The following IQSEC1 variants were observed in gnomAD, a reference collection of about 807,000 sequenced individuals.
The protein encoded by IQSEC1 is IQ motif and Sec7 domain ArfGEF 1.
Under a neutral mutation model 91.0 loss-of-function variants are expected in IQSEC1, and 31 were observed. The ratio of observed to expected loss-of-function variants is 0.34; its 90% CI spans 0.26 to 0.46. IQSEC1 has a LOEUF of 0.46. Ranked by LOEUF, IQSEC1 falls within the 20% of genes least tolerant of loss-of-function variation. IQSEC1 has a pLI of 1.00. For missense variants in IQSEC1, 1,388 were observed against 1,575.6 expected (o/e 0.88, Z 2.02); for synonymous variants, 699 against 662.6 (o/e 1.05, Z -0.84).
intron 1 of IQSEC1, among the ~76,000 whole-genome samples, chr3:13,199,870 T>TATGCCACACACACACACCACACACAC (rs1471609930): frequency 6.6e-6 from 1 of 150,982 alleles, no homozygotes; most frequent in Non-Finnish European, 1.5e-5. Flanking sequence ...ACCACACACA[T>TATGCCACACACACACACCACACACAC]ATGCCACACA....
In IQSEC1 at chr3:12,935,633, G is replaced by A. The variant is rs1337908245; in HGVS notation, c.1383C>T (p.Ser461=). The A allele has an allele frequency of 1.9e-6, 3 of 1,614,120 alleles. No homozygotes were observed. Among genetic ancestry groups the A allele is most frequent in the Non-Finnish European group, 2.5e-6 (3 of 1,180,040 alleles). Reference sequence around the variant, plus strand: ...TGATGGTATCGTTGGAGTTGGACGTGCTGTTGATGCTGTCATTGTCACCGT... The same window carrying A: ...TGATGGTATCGTTGGAGTTGGACGTACTGTTGATGCTGTCATTGTCACCGT... ...YSDGDNDSIN[S]TSNSNDTINC... is the part of the protein sequence containing the mutation. The change falls in exon 3 of 14, where the codon AGC becomes AGT. Residue 461 remains serine (S), a synonymous_variant. Transcript: ENST00000613206. The surrounding 1 kb of genome is among the most constrained non-coding windows in gnomAD (Gnocchi z 8.0).
At chr3:13,246,797 C>T (rs929274792) in intron 1 of IQSEC1, among the ~76,000 whole-genome samples, 1 of 152,180 alleles carries the variant, frequency 6.6e-6, no homozygotes, top group African/African-American at 2.4e-5. Flanking sequence ...AGACACCTCC[C>T]TCCCTGCACG....
chr3:13,018,588 C>T (rs1014390297), intron 1 of IQSEC1, among the ~76,000 whole-genome samples: 2 of 152,236 alleles, frequency 1.3e-5, no homozygotes, highest in Non-Finnish European at 2.9e-5. Flanking sequence ...AGAGCAAGGC[C>T]TTTGTCTGCC....
At chr3:13,278,228 G>T (rs890380728) in intron 1 of IQSEC1, among the ~76,000 whole-genome samples, 2 of 152,126 alleles carry the variant, frequency 1.3e-5, no homozygotes, top group Non-Finnish European at 1.5e-5. Context: ...AGAAAGCGAG[G>T]CAGGCCACTC....
chr3:13,084,540 A>G (rs1478779164), intron 2 of IQSEC1, among the ~76,000 whole-genome samples: 2 of 152,344 alleles, frequency 1.3e-5, no homozygotes, highest in South Asian at 2.1e-4. Flanking sequence ...GAGGAGACGG[A>G]CATCAGATGA....
At chr3:13,172,287 GGGTGTGGGAGCGGGGCCTGGCACAGAGGA>G (rs1461367543) in intron 1 of IQSEC1, among the ~76,000 whole-genome samples, 1 of 152,208 alleles carries the variant, frequency 6.6e-6, no homozygotes, top group Non-Finnish European at 1.5e-5. Context: ...CCATGGCCAG[GGGTGTGGGAGCGGGGCCTGGCACAGAGGA>G]GGTCTGTTTT....
In IQSEC1 at chr3:13,207,899, C is replaced by T. The variant is rs11706263; in HGVS notation, c.273-43766G>A. Among the ~76,000 whole-genome samples the T allele has an allele frequency of 0.31, 47,757 of 151,986 alleles. 7,577 individuals are homozygous for T. The highest frequency in any genetic ancestry group is 0.37 in the South Asian group (1,783 of 4,816). ...CTCCATTTATCTCTCCTCACTGCAA[C>T]ATCAGCTCCAAGAGAGAGCACAGCT... On this transcript the variant is annotated intron_variant, in intron 1 of 15. Coordinates refer to the IQSEC1 transcript ENST00000648114. This position sits in a 1 kb window ranked among gnomAD's most constrained non-coding sequence, Gnocchi z 4.8.
intron 1 of IQSEC1, among the ~76,000 whole-genome samples, chr3:13,188,628 A>T (rs954000825): frequency 6.6e-6 from 1 of 152,234 alleles, no homozygotes; most frequent in Non-Finnish European, 1.5e-5. Context: ...TCCAAAGTTC[A>T]TGCTCTAAAC....
At position 12,974,164 on chromosome 3, in the gene IQSEC1, C is replaced by G. The variant is rs369881919; in HGVS notation, c.24-32299G>C. Among the ~76,000 whole-genome samples, 27 of 152,308 alleles carry G rather than the reference C, an allele frequency of 1.8e-4. No homozygotes were observed. In the East Asian group the frequency reaches 4.6e-3, roughly 26 times the overall value. ...AAACCCAGCACGGGTACAGGTGGCT[C>G]TGCCAGGGCTCTGAGGAGCCTGGCA... On this transcript the variant is annotated intron_variant, in intron 1 of 13. Coordinates refer to ENST00000613206, the MANE Select transcript of IQSEC1 (RefSeq NM_001134382.3).
intron 1 of IQSEC1, among the ~76,000 whole-genome samples, chr3:13,201,574 C>T (rs1694247370): frequency 6.6e-6 from 1 of 152,178 alleles, no homozygotes. Flanking sequence ...GAACTCCCAG[C>T]CTCAAGCAAT....
At chr3:13,250,423 T>TTTC (rs1559286435) in intron 1 of IQSEC1, among the ~76,000 whole-genome samples, 4 of 147,546 alleles carry the variant, frequency 2.7e-5, no homozygotes, top group Middle Eastern at 3.6e-3. Context: ...CACTTTCCTT[T>TTTC]TTTTTTTTTT....
At chr3:13,022,918 G>C (rs187410712) in intron 1 of IQSEC1, among the ~76,000 whole-genome samples, 7 of 152,186 alleles carry the variant, frequency 4.6e-5, no homozygotes, top group Non-Finnish European at 8.8e-5. Flanking sequence ...AGCCCCCTCC[G>C]GCCTTAGTTT....
intron 6 of IQSEC1, among the ~76,000 whole-genome samples, chr3:12,919,157 T>C (rs1696382485): frequency 6.6e-6 from 1 of 152,204 alleles, no homozygotes; most frequent in Non-Finnish European, 1.5e-5. Flanking sequence ...GAGTACATGT[T>C]GTACCATCAA....
In IQSEC1 at chr3:12,915,123, A is replaced by T; in HGVS notation, c.2171T>A (p.Leu724Gln). The T allele has an allele frequency of 6.2e-7, 1 of 1,608,988 alleles. No individual in the cohort carries two copies. Among genetic ancestry groups the T allele is most frequent in the East Asian group, 2.2e-5 (1 of 44,730 alleles). The change falls in exon 8 of 14, where the codon CTG becomes CAG. Residue 724 changes from leucine (L) to glutamine (Q), a missense_variant. By Grantham distance (113) the Leu-to-Gln change is moderately radical. Coordinates refer to ENST00000613206, the MANE Select transcript of IQSEC1 (RefSeq NM_001134382.3). The stretch of plus-strand genomic sequence containing the variant: ...ACTCACACAGCCGAGCCCGGGATGC[A>T]GGGATCCGATCTGCGGGAGAATGTG... ...LIVGKKPIGS[L>Q]HPGLGCVLSL...
At chr3:13,164,442 C>T (rs1204232092) in intron 1 of IQSEC1, among the ~76,000 whole-genome samples, 1 of 152,144 alleles carries the variant, frequency 6.6e-6, no homozygotes, top group Admixed American at 6.6e-5. Flanking sequence ...AAGAGCAAAG[C>T]CAGAGGAGGG....
chr3:13,157,639 C>A (rs1253132607), intron 2 of IQSEC1, among the ~76,000 whole-genome samples: 2 of 152,166 alleles, frequency 1.3e-5, no homozygotes, highest in Non-Finnish European at 2.9e-5. Flanking sequence ...CAATCATAAA[C>A]CCAGGGGAGC....
chr3:12,998,535 CAG>C (rs1459697800), intron 1 of IQSEC1, among the ~76,000 whole-genome samples: 1 of 151,860 alleles, frequency 6.6e-6, no homozygotes, highest in Non-Finnish European at 1.5e-5. Flanking sequence ...CCTGTAATCC[CAG>C]CTGCTCAGGA....
intron 1 of IQSEC1, among the ~76,000 whole-genome samples, chr3:13,051,651 C>T (rs1039822095): frequency 2.0e-5 from 3 of 152,206 alleles, no homozygotes; most frequent in East Asian, 1.9e-4. Context: ...GTCTGCCTCA[C>T]GTTCAGTCTC....
At chr3:13,123,823 T>TGA (rs1484760279) in intron 2 of IQSEC1, among the ~76,000 whole-genome samples, 3 of 152,256 alleles carry the variant, frequency 2.0e-5, no homozygotes, top group Admixed American at 1.3e-4. Flanking sequence ...ACTGCTCAGC[T>TGA]GAGCCTGGCG....
Sources: gnomAD v4.1 joint callset for allele counts (sites outside exome capture counted in the v4.1 genomes callset) on GRCh38, gnomAD v4.1.1 for gene constraint, Gnocchi (gnomAD v3.1) non-coding constraint, MANE v1.5 for transcripts, NCBI Gene and HGNC (gene_info 2026-07-23, HGNC 2026-07-21) for gene names.